The following KAT6A variants were observed in gnomAD, a reference collection of about 807,000 sequenced individuals.
KAT6A encodes the protein lysine acetyltransferase 6A.
Under a neutral mutation model 198.4 loss-of-function variants are expected in KAT6A, and 9 were observed. That is an observed-to-expected ratio of 0.05 (90% CI 0.03 to 0.08). The LOEUF (loss-of-function observed/expected upper bound fraction) is 0.08. KAT6A is among the 10% of genes least tolerant of loss of function. The pLI is 1.00. For synonymous variants in KAT6A, 890 were observed against 883.0 expected, an observed-to-expected ratio of 1.01 and a Z score of -0.14; for missense variants, 2,077 against 2,509.9, an observed-to-expected ratio of 0.83 and a Z score of 3.69.
At chr8:42,042,158 A>T (rs529810669) in intron 2 of KAT6A, among the ~76,000 whole-genome samples, 3 of 152,310 alleles carry the variant, frequency 2.0e-5, no homozygotes, top group African/African-American at 7.2e-5. Flanking sequence ...AACTTTCAGT[A>T]ACTTAAAAAC....
chr8:41,996,737 G>T (rs1480219069), intron 2 of KAT6A, among the ~76,000 whole-genome samples: 1 of 152,106 alleles, frequency 6.6e-6, no homozygotes, highest in African/African-American at 2.4e-5. Context: ...GAGAGATGAG[G>T]CCCCTTGATC....
At chr8:42,014,636 G>A (rs1018893491) in intron 2 of KAT6A, among the ~76,000 whole-genome samples, 2 of 152,102 alleles carry the variant, frequency 1.3e-5, no homozygotes, top group African/African-American at 2.4e-5. Flanking sequence ...AGGACAGATC[G>A]GGGGGCTAAA....
intron 2 of KAT6A, among the ~76,000 whole-genome samples, chr8:42,021,867 G>A (rs560422311): frequency 7.9e-5 from 12 of 152,240 alleles, no homozygotes; most frequent in Non-Finnish European, 1.6e-4. Context: ...GGCAGAGGCT[G>A]CAGTGAGCAG....
At chr8:42,000,394 T>C (rs1825430720) in intron 2 of KAT6A, among the ~76,000 whole-genome samples, 1 of 151,724 alleles carries the variant, frequency 6.6e-6, no homozygotes, top group South Asian at 2.1e-4. Context: ...CTACCAAAAA[T>C]ACAAAAATTA....
At chr8:41,937,956 C>T (rs1821933652) in intron 15 of KAT6A, among the ~76,000 whole-genome samples, 3 of 152,188 alleles carry the variant, frequency 2.0e-5, no homozygotes, top group African/African-American at 4.8e-5. Context: ...TCTTATAGCA[C>T]TACTGTGAAG....
chr8:42,018,471 C>T (rs1168939841), intron 2 of KAT6A, among the ~76,000 whole-genome samples: 1 of 152,168 alleles, frequency 6.6e-6, no homozygotes, highest in Non-Finnish European at 1.5e-5. Flanking sequence ...GAGATTGTGC[C>T]ACTGCACTCC....
chr8:42,050,381 A>C (rs927560707), intron 1 of KAT6A, among the ~76,000 whole-genome samples: 1 of 152,188 alleles, frequency 6.6e-6, no homozygotes, highest in African/African-American at 2.4e-5. Flanking sequence ...AGTTTAACTG[A>C]AGTGTTTTTT....
intron 2 of KAT6A, 98 bp downstream of exon 2, chr8:42,048,280 C>T: frequency 1.5e-6 from 2 of 1,338,886 alleles, no homozygotes; most frequent in Non-Finnish European, 2.1e-6. Context: ...CCACAGAAGT[C>T]CCCAAACAAA....
chr8:41,996,232 A>T (rs1287167065), intron 2 of KAT6A, among the ~76,000 whole-genome samples: 1 of 152,216 alleles, frequency 6.6e-6, no homozygotes, highest in Non-Finnish European at 1.5e-5. Context: ...TGTAAACTCA[A>T]ACTCATAACT....
chr8:42,019,310 AT>A (rs1404411362), intron 2 of KAT6A, among the ~76,000 whole-genome samples: 1 of 151,946 alleles, frequency 6.6e-6, no homozygotes, highest in Non-Finnish European at 1.5e-5. Context: ...TGCCAGGAAC[AT>A]TTTTTTCCTC....
chr8:41,946,529 C>CACACACACACACACACACAT lies in KAT6A; in HGVS notation c.1996+61_1996+62insATGTGTGTGTGTGTGTGTGT, dbSNP rs1554682545. Reference sequence around the variant, plus strand: ...ACACACACACACACACACACACACACACACACACACACAGAGAAGGTCCAC... The same window carrying CACACACACACACACACACAT: ...ACACACACACACACACACACACACACACACACACACACACACACATACACACACACACAGAGAAGGTCCAC... On this transcript the variant is annotated intron_variant, in intron 12 of 16. Transcript: ENST00000265713. 7 of 682,516 alleles carry CACACACACACACACACACAT rather than the reference C, an allele frequency of 1.0e-5. No homozygotes were observed. The African/African-American group carries it at 1.2e-4, about 11-fold the overall frequency. 42.3% of individuals were successfully genotyped at this position (682,516 alleles called of 1,614,324 possible). A position where few individuals can be genotyped will look rare whatever the true frequency, so the allele number is the denominator to read the frequency against.
intron 8 of KAT6A, among the ~76,000 whole-genome samples, chr8:41,958,665 T>C (rs558427815): frequency 6.6e-6 from 1 of 152,340 alleles, no homozygotes; most frequent in Non-Finnish European, 1.5e-5. Flanking sequence ...AGTACATATA[T>C]GTGTATAGTA....
chr8:41,968,403 T>C (rs1298946387), intron 8 of KAT6A, among the ~76,000 whole-genome samples: 4 of 152,106 alleles, frequency 2.6e-5, no homozygotes, highest in Non-Finnish European at 5.9e-5. Flanking sequence ...ATCAGAGAAA[T>C]GCAAATCAAA....
Position 41,930,710 on chromosome 8 carries a change from G to GTA in KAT6A, c.*1493_*1494dup, listed in dbSNP as rs1554678657. The stretch of plus-strand genomic sequence containing the variant: ...TGTGTGTGTGTGTGTGTGTGTGTGT[G>GTA]TATATATATATATATATATTTTTTT... On this transcript the variant is annotated 3_prime_UTR_variant, in exon 17 of 17. Coordinates refer to ENST00000265713, the MANE Select transcript of KAT6A (RefSeq NM_006766.5). 626 of 63,014 alleles carry GTA rather than the reference G, an allele frequency of 9.9e-3. 10 individuals are homozygous for GTA. Among genetic ancestry groups the GTA allele is most frequent in the East Asian group, 0.013 (38 of 2,848 alleles). 3.9% of individuals were successfully genotyped at this position (63,014 alleles called of 1,614,324 possible). A position where few individuals can be genotyped will look rare whatever the true frequency, so the allele number is the denominator to read the frequency against.
intron 3 of KAT6A, among the ~76,000 whole-genome samples, chr8:41,986,619 C>T (rs2150892900): frequency 6.6e-6 from 1 of 152,260 alleles, no homozygotes; most frequent in East Asian, 1.9e-4. Context: ...TTTAAATTAA[C>T]TGAATTACAC....
intron 2 of KAT6A, among the ~76,000 whole-genome samples, chr8:41,995,033 GC>G (rs2150898473): frequency 6.6e-6 from 1 of 151,100 alleles, no homozygotes; most frequent in Non-Finnish European, 1.5e-5. Context: ...TCCAGCCTGG[GC>G]AACAAGAGCG....
chr8:41,985,155 A>G (rs1291118530), intron 3 of KAT6A, among the ~76,000 whole-genome samples: 3 of 152,044 alleles, frequency 2.0e-5, no homozygotes, highest in African/African-American at 7.2e-5. Context: ...AACTCATTCT[A>G]TGTTTTATAT....
chr8:41,965,048 T>C (rs1302989067), intron 8 of KAT6A, among the ~76,000 whole-genome samples: 5 of 152,172 alleles, frequency 3.3e-5, no homozygotes, highest in Non-Finnish European at 7.4e-5. Flanking sequence ...GAGGACCTAC[T>C]ACATGCAAGT....
intron 3 of KAT6A, among the ~76,000 whole-genome samples, chr8:41,986,274 T>G (rs949039795): frequency 2.0e-5 from 3 of 152,188 alleles, no homozygotes; most frequent in Admixed American, 2.0e-4. Context: ...AGCAAGAATA[T>G]CTCTGGAACT....
Sources: allele counts gnomAD v4.1 joint callset (sites outside exome capture counted in the v4.1 genomes callset), GRCh38; gene constraint gnomAD v4.1.1; transcripts MANE v1.5; gene names NCBI Gene and HGNC (gene_info 2026-07-23, HGNC 2026-07-21).